CEMIP2: variants seen among roughly 807,000 people sequenced by gnomAD.
The protein encoded by CEMIP2 is cell migration inducing hyaluronidase 2, also known as cell surface hyaluronidase CEMIP2.
Under a neutral mutation model 146.9 loss-of-function variants are expected in CEMIP2, and 79 were observed. The observed-to-expected ratio is 0.54, with a 90% CI of 0.45 to 0.65. The LOEUF is 0.65. Among genes scored for constraint, CEMIP2 ranks in the 30% least tolerant of loss-of-function variants. The pLI is 0.00. For synonymous variants in CEMIP2, 601 were observed against 606.3 expected, an observed-to-expected ratio of 0.99 and a Z score of 0.13; for missense variants, 1,596 against 1,696.2, an observed-to-expected ratio of 0.94 and a Z score of 1.04.
intron 5 of CEMIP2, among the ~76,000 whole-genome samples, chr9:71,736,663 C>T (rs904566833): frequency 1.3e-5 from 2 of 152,176 alleles, no homozygotes; most frequent in African/African-American, 2.4e-5. Context: ...CTTTTACATG[C>T]TATCCAGTAT....
chr9:71,768,038 C>A (rs1407134682), intron 1 of CEMIP2, among the ~76,000 whole-genome samples: 1 of 152,144 alleles, frequency 6.6e-6, no homozygotes, highest in East Asian at 1.9e-4. Flanking sequence ...TTCCCTTCCC[C>A]GTAAACGTAA....
rs72737995 is a variant in CEMIP2 at position 71,747,870 on chromosome 9, A to G, written c.332-1529T>C. Among the ~76,000 whole-genome samples the G allele has an allele frequency of 4.6e-3, 697 of 152,330 alleles. 42 individuals are homozygous for G. The South Asian group carries it at 0.12, about 27-fold the overall frequency. ...ATATCCTTGGCAATTATTTCATGGA[A>G]TTAGTTTTTCTCACAGCAGTATCAT... On this transcript the variant is annotated intron_variant, in intron 2 of 23. Transcript: ENST00000377044.
rs1824048532 is a variant in CEMIP2, at chr9:71,745,244, T to C, written c.808A>G (p.Arg270Gly). 3.1e-6 allele frequency: 5 copies of C among 1,614,000 alleles called. No individual in the cohort carries two copies. In the African/African-American group the frequency reaches 6.7e-5, roughly 22 times the overall value. The change falls in exon 4 of 24, where the codon AGG becomes GGG. Residue 270 changes from arginine to glycine, a missense_variant. Physicochemically the swap from Arg to Gly is moderately radical, Grantham distance 125. Transcript: ENST00000377044. ...EKDFSRGLNV[R>G]VIDQDTAKIL... is the part of the protein sequence containing the mutation. ...TTGGCCGTGTCTTGGTCAATGACCC[T>C]CACATTGAGGCCCCGGGAAAAGTCC... is the stretch of plus-strand genomic sequence containing the variant.
intron 10 of CEMIP2, among the ~76,000 whole-genome samples, chr9:71,728,319 GTATATATATATATC>G (rs1823509655): frequency 3.0e-5 from 1 of 32,970 alleles, no homozygotes; most frequent in Non-Finnish European, 5.4e-5. Context: ...ATATATATAC[GTATATATATATATC>G]TCAGCAGGTA....
intron 22 of CEMIP2, 138 bp downstream of exon 22, chr9:71,689,954 T>C (rs752805332): frequency 9.8e-6 from 10 of 1,020,018 alleles, no homozygotes; most frequent in African/African-American, 1.6e-5. Context: ...CAATCTGAGG[T>C]AGGAGAGGAA....
intron 15 of CEMIP2, among the ~76,000 whole-genome samples, chr9:71,712,707 G>A (rs1287356690): frequency 6.6e-6 from 1 of 152,196 alleles, no homozygotes; most frequent in Non-Finnish European, 1.5e-5. Flanking sequence ...GCCACTAAAT[G>A]ATGGTACAAA....
rs772207241 is a variant in CEMIP2 at position 71,694,501 on chromosome 9, G to C, written c.3696+8C>G. The C allele has an allele frequency of 6.2e-7, 1 of 1,604,534 alleles. No individual in the cohort carries two copies. The highest frequency in any genetic ancestry group is 8.5e-7 in the Non-Finnish European group (1 of 1,171,756). On this transcript the variant is annotated splice_region_variant and intron_variant, in intron 21 of 23. Transcript: ENST00000377044. ...GAACAGACTAAGACAACACCAGATG[G>C]TACTTACAGAAATAACAGACGGGTC... is the stretch of plus-strand genomic sequence containing the variant.
intron 21 of CEMIP2, among the ~76,000 whole-genome samples, chr9:71,694,185 C>T (rs924143955): frequency 1.9e-4 from 29 of 151,852 alleles, no homozygotes; most frequent in African/African-American, 2.9e-4. Flanking sequence ...TGCAGTGGCG[C>T]GATCTCAGCT....
At chr9:71,763,191 T>C (rs1052283443) in intron 1 of CEMIP2, among the ~76,000 whole-genome samples, 10 of 152,078 alleles carry the variant, frequency 6.6e-5, no homozygotes, top group African/African-American at 2.4e-4. Flanking sequence ...TTTCCAAACT[T>C]CATTGTATGT....
chr9:71,757,987 T>C (rs2310023), intron 1 of CEMIP2, among the ~76,000 whole-genome samples: 20,898 of 152,186 alleles, frequency 0.14, 1,623 homozygotes, highest in Admixed American at 0.18. Flanking sequence ...TAAATAACTA[T>C]TATAAAGGTT....
At chr9:71,720,306 T>A (rs899132961) in intron 12 of CEMIP2, among the ~76,000 whole-genome samples, 1 of 152,224 alleles carries the variant, frequency 6.6e-6, no homozygotes, top group Admixed American at 6.5e-5. Context: ...TGTTTGTTTT[T>A]TTGAGATGGA....
chr9:71,717,772 C>T (rs867332797), intron 13 of CEMIP2, among the ~76,000 whole-genome samples, 176 bp downstream of exon 13: 1 of 152,154 alleles, frequency 6.6e-6, no homozygotes, highest in African/African-American at 2.4e-5. Flanking sequence ...AATGAGACAA[C>T]TTCAAACATT....
intron 1 of CEMIP2, among the ~76,000 whole-genome samples, chr9:71,759,972 C>T (rs903022353): frequency 3.4e-5 from 5 of 148,424 alleles, no homozygotes; most frequent in Admixed American, 6.8e-5. Context: ...TTTTTATTTT[C>T]TTCAGAATAT....
intron 1 of CEMIP2, among the ~76,000 whole-genome samples, chr9:71,753,596 T>C (rs1225098495): frequency 2.6e-5 from 4 of 152,168 alleles, no homozygotes; most frequent in Non-Finnish European, 5.9e-5. Context: ...AAATACAAGA[T>C]TCTTTTCATA....
intron 5 of CEMIP2, among the ~76,000 whole-genome samples, chr9:71,735,806 T>C (rs1347490668): frequency 6.6e-6 from 1 of 151,992 alleles, no homozygotes; most frequent in Non-Finnish European, 1.5e-5. Flanking sequence ...AAAATAACAA[T>C]TTGTGGCTGG....
intron 1 of CEMIP2, among the ~76,000 whole-genome samples, chr9:71,756,648 T>C (rs912407336): frequency 6.6e-6 from 1 of 152,088 alleles, no homozygotes; most frequent in Non-Finnish European, 1.5e-5. Flanking sequence ...GTTTCTCTGA[T>C]TCAGGAGAAA....
At chr9:71,767,015 T>A (rs576219873) in intron 1 of CEMIP2, among the ~76,000 whole-genome samples, 1 of 152,292 alleles carries the variant, frequency 6.6e-6, no homozygotes, top group East Asian at 1.9e-4. Context: ...TACTACACAT[T>A]CTTCTGCTTT....
intron 16 of CEMIP2, 133 bp downstream of exon 16, chr9:71,711,950 G>T: frequency 1.1e-6 from 1 of 887,082 alleles, no homozygotes; most frequent in Non-Finnish European, 1.7e-6. Context: ...GGAATTAGGA[G>T]CTGGCTCTGT....
At position 71,745,529 on chromosome 9, in the gene CEMIP2, T is replaced by A; in HGVS notation, c.523A>T (p.Arg175Trp). 6.2e-7 allele frequency: 1 copy of A among 1,613,132 alleles called. No individual in the cohort carries two copies. The highest frequency in any genetic ancestry group is 1.3e-5 in the African/African-American group (1 of 75,014). The change falls in exon 4 of 24, where the codon AGG (arginine) becomes TGG (tryptophan). Residue 175 changes from arginine to tryptophan, a missense_variant. Physicochemically the swap from Arg to Trp is moderately radical, Grantham distance 101 (BLOSUM62 -3). Transcript: ENST00000377044. ...TCCTGGATCAGGATGTAATGAGTCCTCAAAGTAATATTTCTGGATCCATCT... is the reference window on the plus strand; with the variant it reads ...TCCTGGATCAGGATGTAATGAGTCCACAAAGTAATATTTCTGGATCCATCT... ...NKDGSRNITL[R>W]THYILIQDGG...
Sources: allele counts gnomAD v4.1 joint callset (sites outside exome capture counted in the v4.1 genomes callset), GRCh38; gene constraint gnomAD v4.1.1; transcripts MANE v1.5; gene names NCBI Gene and HGNC (gene_info 2026-07-23, HGNC 2026-07-21).